EFCAB11: variants seen among roughly 807,000 people sequenced by gnomAD.
The protein encoded by EFCAB11 is EF-hand calcium binding domain 11, also known as EF-hand calcium-binding domain-containing protein 11.
EFCAB11 carries 14 observed loss-of-function variants against 23.0 expected under a neutral mutation model. The observed-to-expected ratio is 0.61, with a 90% confidence interval of 0.40 to 0.95. The LOEUF (loss-of-function observed/expected upper bound fraction) is 0.95. Among genes scored for constraint, EFCAB11 ranks in the 40% least tolerant of loss-of-function variants. EFCAB11 has a pLI of 0.00. For missense variants in EFCAB11, 198 were observed against 195.8 expected (o/e 1.01, Z -0.07); for synonymous variants, 65 against 66.6 (o/e 0.98, Z 0.11).
chr14:89,891,395 C>A (rs1244756244), intron 5 of EFCAB11, among the ~76,000 whole-genome samples: 7 of 152,188 alleles, frequency 4.6e-5, no homozygotes, highest in Admixed American at 2.0e-4. Context: ...CCTTTTAATA[C>A]CTTTGTACTT....
chr14:89,877,142 C>T (rs1192449509), intron 5 of EFCAB11, among the ~76,000 whole-genome samples: 3 of 151,816 alleles, frequency 2.0e-5, no homozygotes, highest in Non-Finnish European at 4.4e-5. Flanking sequence ...TGGGTTCAAG[C>T]GATTCTCCTC....
At chr14:89,889,912 T>C (rs1431129812) in intron 5 of EFCAB11, among the ~76,000 whole-genome samples, 5 of 152,238 alleles carry the variant, frequency 3.3e-5, no homozygotes, top group Non-Finnish European at 7.3e-5. Context: ...CCTTCCCGTG[T>C]GCTGGTTTTG....
chr14:89,807,146 A>T (rs1286459074), intron 5 of EFCAB11, among the ~76,000 whole-genome samples: 1 of 152,234 alleles, frequency 6.6e-6, no homozygotes, highest in Non-Finnish European at 1.5e-5. Context: ...TTAATCTCTT[A>T]AGAACAGCTA....
At chr14:89,933,034 T>C (rs1267368978) in intron 3 of EFCAB11, among the ~76,000 whole-genome samples, 1 of 152,214 alleles carries the variant, frequency 6.6e-6, no homozygotes, top group Non-Finnish European at 1.5e-5. Flanking sequence ...CAGATGTCAC[T>C]ATGGCAGGTT....
intron 5 of EFCAB11, chr14:89,837,084 AG>A (rs1485008155): frequency 2.2e-6 from 1 of 456,862 alleles, no homozygotes. Context: ...AGGCCAGAGG[AG>A]GGGTTTTTAG....
intron 5 of EFCAB11, among the ~76,000 whole-genome samples, chr14:89,859,883 G>A (rs1887868203): frequency 6.6e-6 from 1 of 152,178 alleles, no homozygotes; most frequent in African/African-American, 2.4e-5. Context: ...GTATAGCCAT[G>A]CATTCTGAGC....
chr14:89,822,366 C>T (rs1201880413), intron 5 of EFCAB11, among the ~76,000 whole-genome samples: 1 of 152,308 alleles, frequency 6.6e-6, no homozygotes, highest in Middle Eastern at 3.4e-3. Flanking sequence ...TTGTTTTCTT[C>T]CCCTGGCAGG....
At chr14:89,806,148 TA>T (rs1404333310) in intron 5 of EFCAB11, among the ~76,000 whole-genome samples, 4 of 152,224 alleles carry the variant, frequency 2.6e-5, no homozygotes, top group African/African-American at 9.6e-5. Context: ...AAAATGGATG[TA>T]AAATACAGTC....
intron 3 of EFCAB11, chr14:89,937,896 A>ATG (rs1890646077): frequency 6.6e-6 from 1 of 151,658 alleles, no homozygotes; most frequent in African/African-American, 2.4e-5. Flanking sequence ...ATATATATAG[A>ATG]GAGAGAGAGA....
At chr14:89,837,233 T>C (rs1887115563) in intron 5 of EFCAB11, 1 of 414,654 alleles carries the variant, frequency 2.4e-6, no homozygotes, top group Non-Finnish European at 4.9e-6. Flanking sequence ...ATCCATCCAA[T>C]CAATTTTCTG....
intron 5 of EFCAB11, among the ~76,000 whole-genome samples, chr14:89,896,612 A>G (rs1050483432): frequency 6.6e-6 from 1 of 152,232 alleles, no homozygotes. Context: ...TTATGACACA[A>G]AAGTGTTCAT....
chr14:89,801,632 G>A (rs995712394), intron 5 of EFCAB11, among the ~76,000 whole-genome samples: 1 of 152,220 alleles, frequency 6.6e-6, no homozygotes, highest in African/African-American at 2.4e-5. Flanking sequence ...ACTGGACTCA[G>A]TCCATTCAGT....
intron 3 of EFCAB11, among the ~76,000 whole-genome samples, chr14:89,948,478 G>A (rs1238509649): frequency 6.6e-6 from 1 of 152,200 alleles, no homozygotes; most frequent in Non-Finnish European, 1.5e-5. Flanking sequence ...CAATCCCACT[G>A]CTGGGTATAT....
At chr14:89,827,148 C>A (rs2140109048) in intron 5 of EFCAB11, among the ~76,000 whole-genome samples, 1 of 152,150 alleles carries the variant, frequency 6.6e-6, no homozygotes, top group African/African-American at 2.4e-5. Flanking sequence ...AGGTAGTAAC[C>A]ATTAAAACAC....
At chr14:89,887,533 T>C (rs1217317558) in intron 5 of EFCAB11, among the ~76,000 whole-genome samples, 1 of 152,234 alleles carries the variant, frequency 6.6e-6, no homozygotes, top group Non-Finnish European at 1.5e-5. Context: ...GCCTAGGTCA[T>C]ATAGCATGAC....
intron 3 of EFCAB11, chr14:89,938,093 G>A (rs1890654138): frequency 6.6e-6 from 1 of 152,156 alleles, no homozygotes; most frequent in African/African-American, 2.4e-5. Context: ...AGTGCACACA[G>A]AGAAATCCTC....
In EFCAB11 at chr14:89,954,722, TG is replaced by T; in HGVS notation, c.-63del. On this transcript the variant is annotated 5_prime_UTR_variant, in exon 1 of 6. Coordinates refer to ENST00000316738, the MANE Select transcript of EFCAB11 (RefSeq NM_145231.4). ...GCTACCACCGCTTTCCCAGCCTGGC[TG>T]GCAGCCTACCGCGGCCACGCCCACC... 6.4e-7 allele frequency: 1 copy of T among 1,570,400 alleles called. No individual in the cohort carries two copies. Among genetic ancestry groups the T allele is most frequent in the East Asian group, 2.3e-5 (1 of 42,780 alleles).
chr14:89,931,182 C>A, intron 5 of EFCAB11: 1 of 189,838 alleles, frequency 5.3e-6, no homozygotes, highest in Non-Finnish European at 1.1e-5. Context: ...GAAATACAGA[C>A]CATGTGAGGA....
chr14:89,891,981 A>C (rs1888985186), intron 5 of EFCAB11: 5 of 1,477,282 alleles, frequency 3.4e-6, no homozygotes, highest in Non-Finnish European at 4.5e-6. Context: ...CCGCGGGTCA[A>C]GCTGCAGCTC....
Sources: gnomAD v4.1 joint callset for allele counts (sites outside exome capture counted in the v4.1 genomes callset) on GRCh38, gnomAD v4.1.1 for gene constraint, MANE v1.5 for transcripts, NCBI Gene and HGNC (gene_info 2026-07-23, HGNC 2026-07-21) for gene names.